LRP11: variants seen among roughly 807,000 people sequenced by gnomAD.
LRP11 encodes the protein LDL receptor related protein 11, also known as low-density lipoprotein receptor-related protein 11.
A neutral mutation model predicts 43.1 loss-of-function variants in LRP11; 25 were observed. That is an observed-to-expected ratio of 0.58 (90% CI 0.42 to 0.81). The LOEUF is 0.81. Ranked by LOEUF, LRP11 falls within the 30% of genes least tolerant of loss-of-function variation. The probability of loss-of-function intolerance (pLI) is 0.00; values close to 1 mark genes in which losing one functional copy is unlikely to be tolerated. For synonymous variants in LRP11, 316 were observed against 299.4 expected (o/e 1.06, Z -0.57); for missense variants, 623 against 665.1 (o/e 0.94, Z 0.70).
chr6:149,863,512 C>T lies in LRP11; in HGVS notation c.509G>A (p.Arg170His), dbSNP rs1244329001. ...GTGCAGCGCGAACTTGCAGACGTTG[C>T]GGCCGCGCGCCGTGCAGTTGAAGAG... ...CYLFNCTARG[R>H]NVCKFALHSG... Residue 170 changes from arginine (R) to histidine (H), a missense_variant, in exon 1 of 7, where the codon CGC becomes CAC. Arg to His is a conservative substitution (Grantham distance 29, BLOSUM62 0). Transcript: ENST00000239367. The T allele has an allele frequency of 1.7e-5, 23 of 1,346,046 alleles. No individual in the cohort carries two copies. The highest frequency in any genetic ancestry group is 2.1e-5 in the Non-Finnish European group (22 of 1,058,122). 83.4% of individuals were successfully genotyped at this position (1,346,046 alleles called of 1,614,324 possible).
At chr6:149,833,088 G>A (rs1190710130) in intron 5 of LRP11, among the ~76,000 whole-genome samples, 2 of 152,080 alleles carry the variant, frequency 1.3e-5, no homozygotes, top group Admixed American at 6.6e-5. Context: ...GATTACAAGC[G>A]TAAGCCACCG....
chr6:149,826,471 T>A, intron 5 of LRP11, 112 bp from the exon 6 acceptor site: 1 of 695,834 alleles, frequency 1.4e-6, no homozygotes, highest in Non-Finnish European at 2.4e-6. Flanking sequence ...AGAAGAACTG[T>A]TTATTTCTCT....
Position 149,836,234 on chromosome 6 carries a change from C to T in LRP11, c.1103G>A (p.Gly368Glu), listed in dbSNP as rs1432228296. Residue 368 changes from glycine (G) to glutamate (E), a missense_variant, in exon 5 of 7, where the codon GGG becomes GAG. By Grantham distance (98) the Gly-to-Glu change is moderately conservative. Coordinates refer to ENST00000239367, the MANE Select transcript of LRP11 (RefSeq NM_032832.6). Reference sequence around the variant, plus strand: ...GTCACCCCCTGCATCTTCACTCGGCCCTGTGGTTCTTGGCAGGGCAGGACT... The same window carrying T: ...GTCACCCCCTGCATCTTCACTCGGCTCTGTGGTTCTTGGCAGGGCAGGACT... ...AASPALPRTT[G>E]PSEDAGGDSL... 3 of 1,614,178 alleles carry T rather than the reference C, an allele frequency of 1.9e-6. No individual in the cohort carries two copies. Among genetic ancestry groups the T allele is most frequent in the Non-Finnish European group, 8.5e-7 (1 of 1,180,038 alleles).
intron 5 of LRP11, among the ~76,000 whole-genome samples, chr6:149,832,060 A>G (rs2115379421): frequency 6.6e-6 from 1 of 152,378 alleles, no homozygotes; most frequent in East Asian, 1.9e-4. Flanking sequence ...CTCTACTCTT[A>G]GAAACATTAA....
intron 1 of LRP11, among the ~76,000 whole-genome samples, chr6:149,859,117 CACATATT>C (rs1776846667): frequency 6.6e-6 from 1 of 151,856 alleles, no homozygotes; most frequent in Non-Finnish European, 1.5e-5. Flanking sequence ...TGGTCTCTGC[CACATATT>C]TCCCAACTGG....
chr6:149,848,115 G>A (rs368804259), intron 2 of LRP11, among the ~76,000 whole-genome samples: 4 of 152,040 alleles, frequency 2.6e-5, no homozygotes, highest in Non-Finnish European at 5.9e-5. Context: ...GTGTGATGGC[G>A]TTTGGAGATA....
chr6:149,858,015 G>A (rs1351511852), intron 1 of LRP11, among the ~76,000 whole-genome samples: 3 of 152,080 alleles, frequency 2.0e-5, no homozygotes, highest in Non-Finnish European at 2.9e-5. Context: ...ACATCACACA[G>A]GCGATAAATT....
chr6:149,852,930 G>A, intron 2 of LRP11, 73 bp downstream of exon 2: 1 of 1,349,982 alleles, frequency 7.4e-7, no homozygotes, highest in Admixed American at 2.3e-5. Flanking sequence ...TAGGGAGCAT[G>A]AAGTGGCAGG....
At chr6:149,825,475 T>G (rs576409100) in intron 6 of LRP11, among the ~76,000 whole-genome samples, 2 of 152,300 alleles carry the variant, frequency 1.3e-5, no homozygotes, top group South Asian at 4.1e-4. Flanking sequence ...CGTTTCTATA[T>G]TTGGCTCATC....
chr6:149,822,638 T>C (rs1314221090), intron 6 of LRP11, among the ~76,000 whole-genome samples: 3 of 152,120 alleles, frequency 2.0e-5, no homozygotes, highest in Non-Finnish European at 4.4e-5. Flanking sequence ...AAAATGTAAA[T>C]GAGACAGTTT....
At chr6:149,860,448 T>C (rs1776874181) in intron 1 of LRP11, among the ~76,000 whole-genome samples, 2 of 141,008 alleles carry the variant, frequency 1.4e-5, no homozygotes, top group African/African-American at 5.0e-5. Flanking sequence ...TATCATGACA[T>C]CCAGTCCCCC....
intron 6 of LRP11, 76 bp from the exon 7 acceptor site, chr6:149,820,779 G>A (rs192742813): frequency 1.4e-4 from 99 of 719,180 alleles, no homozygotes; most frequent in Admixed American, 2.1e-4. Context: ...TATATGATAC[G>A]CGCTTTGCAT....
At chr6:149,833,364 C>T (rs7740784) in intron 5 of LRP11, among the ~76,000 whole-genome samples, 52,759 of 152,106 alleles carry the variant, frequency 0.35, 10,751 homozygotes, top group East Asian at 0.81. Context: ...TGAACAGAAA[C>T]TACAGGATGT....
Position 149,853,012 on chromosome 6 carries a change from C to A in LRP11, c.762G>T (p.Val254=). The change falls in exon 2 of 7, where the codon GTG becomes GTT. Residue 254 remains valine, a synonymous_variant. Coordinates refer to ENST00000239367, the MANE Select transcript of LRP11 (RefSeq NM_032832.6). ...TGACAACATGCGTTACCTTCATGTC[C>A]ACTGACGGGTCCCCCTGCAGCAGTG... is the stretch of plus-strand genomic sequence containing the variant. ...EWALLQGDPS[V]DMKVPQSGTL... 1 of 1,594,260 alleles carries A rather than the reference C, an allele frequency of 6.3e-7. No homozygotes were observed. Among genetic ancestry groups the A allele is most frequent in the Non-Finnish European group, 8.5e-7 (1 of 1,172,788 alleles).
chr6:149,824,678 G>A lies in LRP11; in HGVS notation c.1348+1586C>T, dbSNP rs565577015. 5.9e-5 allele frequency among the ~76,000 whole-genome samples: 9 copies of A among 152,120 alleles called. No homozygotes were observed. In the South Asian group the frequency reaches 6.2e-4, roughly 11 times the overall value. ...GTTTTGAGACCAGCCTGGCCAACAT[G>A]GCAAAACCCCATCTCTGCTAAAAAT... On this transcript the variant is annotated intron_variant, in intron 6 of 6. Coordinates refer to ENST00000239367, the MANE Select transcript of LRP11 (RefSeq NM_032832.6).
intron 5 of LRP11, among the ~76,000 whole-genome samples, chr6:149,826,728 G>A (rs1037248686): frequency 6.6e-6 from 1 of 152,098 alleles, no homozygotes; most frequent in Non-Finnish European, 1.5e-5. Flanking sequence ...TAAACAATGG[G>A]CATATATAAG....
intron 3 of LRP11, among the ~76,000 whole-genome samples, chr6:149,838,610 G>T (rs527378607): frequency 6.6e-6 from 1 of 151,760 alleles, no homozygotes; most frequent in East Asian, 2.0e-4. Context: ...ACTTGAGTCT[G>T]GGAGGCAGAG....
chr6:149,854,747 CA>C (rs947835778), intron 1 of LRP11, among the ~76,000 whole-genome samples: 45 of 152,338 alleles, frequency 3.0e-4, no homozygotes, highest in African/African-American at 1.0e-3. Flanking sequence ...TCACCCTGCA[CA>C]GTGCTGCAAG....
chr6:149,851,370 A>G lies in LRP11; in HGVS notation c.771+1633T>C, dbSNP rs1292222824. Among the ~76,000 whole-genome samples, 12 of 152,358 alleles carry G rather than the reference A, an allele frequency of 7.9e-5. No homozygotes were observed. In the East Asian group the frequency reaches 1.3e-3, roughly 17 times the overall value. ...AGGGGTATTAGATGTTAAGAAGGGT[A>G]TGGATTAATATGAGAAAATCCAGAC... On this transcript the variant is annotated intron_variant, in intron 2 of 6. Coordinates refer to ENST00000239367, the MANE Select transcript of LRP11 (RefSeq NM_032832.6).
Sources: gnomAD v4.1 joint callset for allele counts (sites outside exome capture counted in the v4.1 genomes callset) on GRCh38, gnomAD v4.1.1 for gene constraint, MANE v1.5 for transcripts, NCBI Gene and HGNC (gene_info 2026-07-23, HGNC 2026-07-21) for gene names.